Variants in SLC44A1 observed in about 807,000 individuals in gnomAD.
SLC44A1 encodes choline transporter-like protein 1.
Under a neutral mutation model 79.3 loss-of-function variants are expected in SLC44A1, and 26 were observed. The ratio of observed to expected loss-of-function variants is 0.33; its 90% CI spans 0.24 to 0.46. The LOEUF is 0.46. Among genes scored for constraint, SLC44A1 ranks in the 20% least tolerant of loss-of-function variants. SLC44A1 has a pLI of 1.00. For missense variants in SLC44A1, 688 were observed against 798.1 expected (o/e 0.86, Z 1.66); for synonymous variants, 263 against 286.2 (o/e 0.92, Z 0.82).
intron 3 of SLC44A1, among the ~76,000 whole-genome samples, chr9:105,316,532 T>C (rs1210230260): frequency 4.6e-5 from 7 of 152,246 alleles, no homozygotes; most frequent in African/African-American, 1.4e-4. Flanking sequence ...TTTATACTTA[T>C]CTCTTTTTTC....
In SLC44A1 at chr9:105,343,646, T is replaced by C. The variant is rs562551271; in HGVS notation, c.407-4712T>C. Among the ~76,000 whole-genome samples, 4 of 152,334 alleles carry C rather than the reference T, an allele frequency of 2.6e-5. 1 individual carries two copies. The highest frequency in any genetic ancestry group is 4.1e-4 in the South Asian group (2 of 4,834). On this transcript the variant is annotated intron_variant, in intron 4 of 15. Transcript: ENST00000374720. ...TCTCCAAGTCAGAGATCAGCAATGATGCTTGGTTGTTTAAAAAGAAGGAAG... is the reference window on the plus strand; with the variant it reads ...TCTCCAAGTCAGAGATCAGCAATGACGCTTGGTTGTTTAAAAAGAAGGAAG...
intron 1 of SLC44A1, among the ~76,000 whole-genome samples, chr9:105,281,262 G>C (rs1830343510): frequency 1.3e-5 from 2 of 152,164 alleles, no homozygotes; most frequent in Non-Finnish European, 2.9e-5. Flanking sequence ...AAATGCTCTG[G>C]ACCAGAACAG....
intron 5 of SLC44A1, among the ~76,000 whole-genome samples, chr9:105,355,672 G>T (rs919178517): frequency 2.0e-5 from 3 of 152,120 alleles, no homozygotes; most frequent in African/African-American, 7.2e-5. Flanking sequence ...TTATATGAGA[G>T]GTATTAAGCT....
At chr9:105,316,149 T>C (rs1214563000) in intron 3 of SLC44A1, among the ~76,000 whole-genome samples, 3 of 152,140 alleles carry the variant, frequency 2.0e-5, no homozygotes, top group African/African-American at 4.8e-5. Flanking sequence ...TTTTATCTCA[T>C]GGGAATTACA....
intron 1 of SLC44A1, among the ~76,000 whole-genome samples, chr9:105,275,960 A>G (rs928320108): frequency 1.3e-5 from 2 of 152,088 alleles, no homozygotes; most frequent in Admixed American, 6.6e-5. Flanking sequence ...GCCTGCCACC[A>G]TGCCCGGCTT....
Position 105,423,216 on chromosome 9 carries a change from G to A in SLC44A1, c.1951-15065G>A, listed in dbSNP as rs543864201. 4.6e-5 allele frequency among the ~76,000 whole-genome samples: 7 copies of A among 152,064 alleles called. 1 individual carries two copies. In the South Asian group the frequency reaches 1.5e-3, roughly 32 times the overall value. Reference sequence around the variant, plus strand: ...AACACTTTGGGAGGCCAGGGTGGGCGGATCACCTGAGGTCGGGTGGGCGGA... The same window carrying A: ...AACACTTTGGGAGGCCAGGGTGGGCAGATCACCTGAGGTCGGGTGGGCGGA... On this transcript the variant is annotated intron_variant, in intron 15 of 15. Coordinates refer to the SLC44A1 transcript ENST00000374724.
At chr9:105,252,953 A>T (rs1275292966) in intron 1 of SLC44A1, among the ~76,000 whole-genome samples, 1 of 152,244 alleles carries the variant, frequency 6.6e-6, no homozygotes, top group Non-Finnish European at 1.5e-5. Flanking sequence ...ATGTTTTATT[A>T]TACTCAATAG....
At chr9:105,275,286 T>C (rs1830173377) in intron 1 of SLC44A1, among the ~76,000 whole-genome samples, 2 of 152,156 alleles carry the variant, frequency 1.3e-5, no homozygotes, top group Non-Finnish European at 1.5e-5. Flanking sequence ...TCATGGAAAA[T>C]AATGTGTTTT....
At chr9:105,329,639 G>A (rs1826689099) in intron 3 of SLC44A1, among the ~76,000 whole-genome samples, 1 of 152,106 alleles carries the variant, frequency 6.6e-6, no homozygotes, top group Non-Finnish European at 1.5e-5. Flanking sequence ...AGAGCTGTAA[G>A]ATCTTCCAGA....
intron 1 of SLC44A1, 58 bp downstream of exon 1, chr9:105,244,962 G>T: frequency 1.1e-6 from 1 of 939,038 alleles, no homozygotes; most frequent in Non-Finnish European, 1.3e-6. Flanking sequence ...GCCGCGTCGC[G>T]CGGCGGGCGC....
chr9:105,303,595 T>C (rs1830937479), intron 2 of SLC44A1, among the ~76,000 whole-genome samples: 1 of 152,216 alleles, frequency 6.6e-6, no homozygotes, highest in Non-Finnish European at 1.5e-5. Context: ...ATTGTTGTTA[T>C]CACATTCCCA....
intron 12 of SLC44A1, among the ~76,000 whole-genome samples, chr9:105,373,509 C>T (rs931126435): frequency 1.3e-5 from 2 of 152,160 alleles, no homozygotes; most frequent in Admixed American, 1.3e-4. Flanking sequence ...TCAGCTAGAA[C>T]TCAGTATTTT....
chr9:105,295,088 T>G (rs565911316), intron 1 of SLC44A1, among the ~76,000 whole-genome samples: 39 of 152,316 alleles, frequency 2.6e-4, no homozygotes, highest in Admixed American at 2.4e-3. Flanking sequence ...TGCTAGAGTT[T>G]GAGGACTCAG....
At position 105,393,299 on chromosome 9, in the gene SLC44A1, C is replaced by T. The variant is rs1432333127; in HGVS notation, c.*4243C>T. 1.0e-6 allele frequency: 1 copy of T among 985,306 alleles called. No homozygotes were observed. The allele number at this position is 985,306 out of a possible 1,614,324, so 61.0% of individuals were successfully genotyped here. On this transcript the variant is annotated 3_prime_UTR_variant, in exon 16 of 16. Transcript: ENST00000374720. ...ATACACAGTAGCTTCTTGGAATTAA[C>T]TCATCTTTGTTAACTTAGTGGCACA...
At chr9:105,317,009 T>G (rs1831345811) in intron 3 of SLC44A1, among the ~76,000 whole-genome samples, 1 of 152,186 alleles carries the variant, frequency 6.6e-6, no homozygotes, top group East Asian at 1.9e-4. Flanking sequence ...GGGCTGTGAT[T>G]TTTTTCTTGA....
At chr9:105,413,816 C>T (rs1829129870) in intron 15 of SLC44A1, among the ~76,000 whole-genome samples, 1 of 152,154 alleles carries the variant, frequency 6.6e-6, no homozygotes, top group South Asian at 2.1e-4. Flanking sequence ...CCAAGATGGA[C>T]TTAACCCCAG....
At chr9:105,433,069 G>T (rs1197664160) in intron 15 of SLC44A1, among the ~76,000 whole-genome samples, 1 of 152,106 alleles carries the variant, frequency 6.6e-6, no homozygotes, top group Non-Finnish European at 1.5e-5. Flanking sequence ...CCGAAGCGGG[G>T]TGGATCACCT....
chr9:105,404,451 C>T (rs1483763997), intron 15 of SLC44A1, among the ~76,000 whole-genome samples: 2 of 152,002 alleles, frequency 1.3e-5, no homozygotes, highest in Admixed American at 1.3e-4. Flanking sequence ...AAGATGAAGC[C>T]GTATTTACTT....
At chr9:105,405,351 T>C (rs1410659894) in intron 15 of SLC44A1, among the ~76,000 whole-genome samples, 1 of 151,034 alleles carries the variant, frequency 6.6e-6, no homozygotes, top group Non-Finnish European at 1.5e-5. Flanking sequence ...GGTGGGATGA[T>C]ATGATTGAAA....
Sources: gnomAD v4.1 joint callset for allele counts (sites outside exome capture counted in the v4.1 genomes callset) on GRCh38, gnomAD v4.1.1 for gene constraint, MANE v1.5 for transcripts, NCBI Gene and HGNC (gene_info 2026-07-23, HGNC 2026-07-21) for gene names.